Variants in PRKAR1B observed in about 807,000 individuals in gnomAD.
PRKAR1B encodes cAMP-dependent protein kinase type I-beta regulatory subunit.
A neutral mutation model predicts 46.5 loss-of-function variants in PRKAR1B; 22 were observed. The ratio of observed to expected loss-of-function variants is 0.47; its 90% CI spans 0.34 to 0.68. The LOEUF (loss-of-function observed/expected upper bound fraction) is 0.68, where lower values mean the gene tolerates loss of function less well. PRKAR1B is among the 30% of genes least tolerant of loss of function. The pLI is 0.01. For missense variants in PRKAR1B, 445 were observed against 535.6 expected (o/e 0.83, Z 1.67); for synonymous variants, 259 against 217.7 (o/e 1.19, Z -1.67).
In PRKAR1B at chr7:714,176, T is replaced by C. The variant is rs1212780254; in HGVS notation, c.-22-2649A>G. Among the ~76,000 whole-genome samples, 1 of 152,124 alleles carries C rather than the reference T, an allele frequency of 6.6e-6. No homozygotes were observed. Among genetic ancestry groups the C allele is most frequent in the Non-Finnish European group, 1.5e-5 (1 of 68,026 alleles). ...CAGGTGCCACCTAACCAAGGCGACG[T>C]CTCGCTTCGGGGGGCAGATGCTCCA... is the stretch of plus-strand genomic sequence containing the variant. On this transcript the variant is annotated intron_variant, in intron 1 of 10. Transcript: ENST00000537384. This position sits in a 1 kb window ranked among gnomAD's most constrained non-coding sequence, Gnocchi z 4.3.
chr7:550,249 G>GA lies in PRKAR1B; in HGVS notation c.*180dup. 1.7e-6 allele frequency: 1 copy of GA among 597,312 alleles called. No individual in the cohort carries two copies. The allele number at this position is 597,312 out of a possible 1,614,324, so 37.0% of individuals were successfully genotyped here. A position where few individuals can be genotyped will look rare whatever the true frequency, so the allele number is the denominator to read the frequency against. The stretch of plus-strand genomic sequence containing the variant: ...TTTTGTCCGCTTGTCCTTTGATTTG[G>GA]AAATGCACAAGGTGATCATTTATTC... On this transcript the variant is annotated 3_prime_UTR_variant, in exon 11 of 11. Coordinates refer to ENST00000537384, the MANE Select transcript of PRKAR1B (RefSeq NM_001164760.2).
chr7:672,075 T>A (rs553916071), intron 4 of PRKAR1B, among the ~76,000 whole-genome samples: 50 of 152,260 alleles, frequency 3.3e-4, no homozygotes, highest in African/African-American at 1.2e-3. Flanking sequence ...CCCCACTGTG[T>A]TCCCAGAACC....
intron 4 of PRKAR1B, among the ~76,000 whole-genome samples, chr7:622,804 G>A (rs373838052): frequency 1.1e-4 from 17 of 152,168 alleles, no homozygotes; most frequent in South Asian, 8.3e-4. Flanking sequence ...TTGTTCCAGC[G>A]CATACTAATA....
chr7:569,707 C>G (rs977296377), intron 9 of PRKAR1B, among the ~76,000 whole-genome samples: 3 of 152,224 alleles, frequency 2.0e-5, no homozygotes, highest in Admixed American at 6.5e-5. Flanking sequence ...CTGAGCAGAG[C>G]AGGGGCACTC....
At chr7:660,913 C>CT (rs1583375308) in intron 4 of PRKAR1B, among the ~76,000 whole-genome samples, 1 of 134,026 alleles carries the variant, frequency 7.5e-6, no homozygotes. Flanking sequence ...CTACTCTCCC[C>CT]CCATGGCACA....
intron 4 of PRKAR1B, among the ~76,000 whole-genome samples, chr7:673,879 G>T (rs1786427649): frequency 6.6e-6 from 1 of 152,204 alleles, no homozygotes; most frequent in African/African-American, 2.4e-5. Context: ...CCCTCCAGAG[G>T]CCCCGGGCAG....
chr7:656,893 G>A (rs1373159088), intron 4 of PRKAR1B, among the ~76,000 whole-genome samples: 1 of 151,134 alleles, frequency 6.6e-6, no homozygotes, highest in Non-Finnish European at 1.5e-5. Flanking sequence ...GGATGCATGA[G>A]TGAATGCATG....
chr7:689,927 C>T (rs185759243), intron 2 of PRKAR1B, among the ~76,000 whole-genome samples: 5 of 151,658 alleles, frequency 3.3e-5, no homozygotes, highest in Non-Finnish European at 5.9e-5. Flanking sequence ...GTGATCCGCC[C>T]GCCTCGGCCT....
chr7:698,911 C>G (rs1182909553), intron 2 of PRKAR1B, among the ~76,000 whole-genome samples: 2 of 152,186 alleles, frequency 1.3e-5, no homozygotes, highest in African/African-American at 4.8e-5. Context: ...TCTCCCCACG[C>G]AGCAGCAGCA....
At position 660,863 on chromosome 7, in the gene PRKAR1B, C is replaced by T. The variant is rs1369136871; in HGVS notation, c.440+16366G>A. Among the ~76,000 whole-genome samples the T allele has an allele frequency of 3.7e-5, 5 of 134,800 alleles. 1 individual carries two copies. Among genetic ancestry groups the T allele is most frequent in the African/African-American group, 1.4e-4 (5 of 34,700 alleles). 88.4% of individuals were successfully genotyped at this position (134,800 alleles called of 152,430 possible). The stretch of plus-strand genomic sequence containing the variant: ...CAACAGATCCAAATACCTACTCTGC[C>T]CCCCATGGCACAGGTCCCTACTCCA... On this transcript the variant is annotated intron_variant, in intron 4 of 10. Coordinates refer to ENST00000537384, the MANE Select transcript of PRKAR1B (RefSeq NM_001164760.2).
chr7:651,185 A>G (rs1784885542), intron 4 of PRKAR1B, among the ~76,000 whole-genome samples: 1 of 152,312 alleles, frequency 6.6e-6, no homozygotes, highest in South Asian at 2.1e-4. Flanking sequence ...CCCAGCATAC[A>G]GCCAGGCTCC....
At chr7:684,537 A>G (rs1156559448) in intron 2 of PRKAR1B, among the ~76,000 whole-genome samples, 1 of 152,230 alleles carries the variant, frequency 6.6e-6, no homozygotes, top group Non-Finnish European at 1.5e-5. Flanking sequence ...CGAAGTACGC[A>G]GCAGCCCGGG....
chr7:605,764 C>T (rs1005342268), intron 6 of PRKAR1B, among the ~76,000 whole-genome samples: 6 of 152,106 alleles, frequency 3.9e-5, no homozygotes, highest in Non-Finnish European at 7.4e-5. Context: ...GTTGTTTGAT[C>T]GTGAAGTCGT....
In PRKAR1B at chr7:615,944, A is replaced by C. The variant is rs1001612371; in HGVS notation, c.441-8492T>G. ...AAAAAAAGGAAGAAAGAGGCAGAGA[A>C]AGAAAGAAAAATAAAAAAAGAAACA... is the stretch of plus-strand genomic sequence containing the variant. On this transcript the variant is annotated intron_variant, in intron 4 of 10. Transcript: ENST00000537384. Among the ~76,000 whole-genome samples the C allele has an allele frequency of 5.9e-5, 9 of 151,840 alleles. No homozygotes were observed. The East Asian group carries it at 1.7e-3, about 29-fold the overall frequency.
intron 4 of PRKAR1B, among the ~76,000 whole-genome samples, chr7:624,102 C>A (rs1363543798): frequency 6.6e-6 from 1 of 152,192 alleles, no homozygotes; most frequent in Admixed American, 6.5e-5. Context: ...CCAGCACCCG[C>A]AGGTTTAGGT....
chr7:687,989 G>A (rs368736719), intron 2 of PRKAR1B, among the ~76,000 whole-genome samples: 7 of 151,306 alleles, frequency 4.6e-5, no homozygotes, highest in South Asian at 4.2e-4. Context: ...CCAGCTCCTC[G>A]GGAGGCTCAG....
chr7:554,672 G>A (rs187461935), intron 9 of PRKAR1B, among the ~76,000 whole-genome samples: 4 of 147,960 alleles, frequency 2.7e-5, no homozygotes, highest in East Asian at 4.0e-4. Context: ...GACAGGGGAG[G>A]CCACAGATCC....
chr7:718,330 G>GTA (rs146416897), intron 1 of PRKAR1B, among the ~76,000 whole-genome samples: 21,306 of 137,774 alleles, frequency 0.15, 1,816 homozygotes, highest in East Asian at 0.29. Context: ...ATGTATGTAT[G>GTA]TATATATATA....
chr7:659,481 C>T (rs1785387703), intron 4 of PRKAR1B, among the ~76,000 whole-genome samples: 1 of 152,178 alleles, frequency 6.6e-6, no homozygotes, highest in Non-Finnish European at 1.5e-5. Flanking sequence ...GGTGGCCGCA[C>T]ACGCCGTCCC....
Sources: gnomAD v4.1 joint callset for allele counts (sites outside exome capture counted in the v4.1 genomes callset) on GRCh38, gnomAD v4.1.1 for gene constraint, Gnocchi (gnomAD v3.1) non-coding constraint, MANE v1.5 for transcripts, NCBI Gene and HGNC (gene_info 2026-07-23, HGNC 2026-07-21) for gene names.